Variants in SDK1 observed in about 807,000 individuals in gnomAD.
SDK1 encodes the protein sidekick cell adhesion molecule 1, also known as protein sidekick-1.
SDK1 carries 157 observed loss-of-function variants against 245.5 expected under a neutral mutation model. That is an observed-to-expected ratio of 0.64 (90% CI 0.56 to 0.73). The LOEUF is 0.73. Ranked by LOEUF, SDK1 falls within the 30% of genes least tolerant of loss-of-function variation. SDK1 has a pLI of 0.00. For synonymous variants in SDK1, 1,647 were observed against 1,278.5 expected (o/e 1.29, Z -6.15); for missense variants, 3,583 against 3,002.3 (o/e 1.19, Z -4.52).
intron 4 of SDK1, among the ~76,000 whole-genome samples, chr7:3,745,548 G>A (rs981889959): frequency 6.6e-6 from 1 of 152,112 alleles, no homozygotes; most frequent in Non-Finnish European, 1.5e-5. Flanking sequence ...GTGTGTGTGT[G>A]TGTGTAAATA....
chr7:4,034,596 AG>A (rs11308566), intron 17 of SDK1, among the ~76,000 whole-genome samples: 2,122 of 152,352 alleles, frequency 0.014, 55 homozygotes, highest in African/African-American at 0.049. Flanking sequence ...AAACTGATGC[AG>A]CCCCTGAAGC....
At chr7:3,455,655 C>T (rs1185164662) in intron 1 of SDK1, among the ~76,000 whole-genome samples, 4 of 151,926 alleles carry the variant, frequency 2.6e-5, no homozygotes, top group Non-Finnish European at 4.4e-5. Context: ...CTTCCTCCAC[C>T]GATACCACAC....
chr7:3,367,517 A>G (rs1358124362), intron 1 of SDK1, among the ~76,000 whole-genome samples: 1 of 152,166 alleles, frequency 6.6e-6, no homozygotes, highest in African/African-American at 2.4e-5. Flanking sequence ...CATCTATCCC[A>G]TACTTGTCAT....
chr7:3,479,902 C>T (rs1020303523), intron 1 of SDK1, among the ~76,000 whole-genome samples: 14 of 151,668 alleles, frequency 9.2e-5, no homozygotes, highest in African/African-American at 3.4e-4. Context: ...AATGAGAGAC[C>T]TCTAATTTTC....
At chr7:4,139,191 A>G (rs55998459) in intron 28 of SDK1, among the ~76,000 whole-genome samples, 2 of 151,772 alleles carry the variant, frequency 1.3e-5, no homozygotes, top group Admixed American at 6.5e-5. Flanking sequence ...CCCACCCCCC[A>G]TTTCCTGGAG....
At chr7:3,449,073 T>A (rs975790261) in intron 1 of SDK1, among the ~76,000 whole-genome samples, 2 of 152,190 alleles carry the variant, frequency 1.3e-5, no homozygotes, top group Non-Finnish European at 2.9e-5. Flanking sequence ...TTATGGAATC[T>A]AAGAAGGAAA....
At chr7:3,366,449 T>A (rs1332159814) in intron 1 of SDK1, among the ~76,000 whole-genome samples, 4 of 152,096 alleles carry the variant, frequency 2.6e-5, no homozygotes, top group Non-Finnish European at 2.9e-5. Context: ...AAGTACTGGG[T>A]AATTTTGCCA....
Position 4,084,636 on chromosome 7 carries a change from A to C in SDK1, c.3324+5052A>C, listed in dbSNP as rs1781305750. On this transcript the variant is annotated intron_variant, in intron 22 of 44. Coordinates refer to ENST00000404826, the MANE Select transcript of SDK1 (RefSeq NM_152744.4). ...GAGTTCATACTGACGTTTCCAATGA[A>C]ATTTCAGGTTACTGACCTTAAATGT... Among the ~76,000 whole-genome samples, 3 of 151,822 alleles carry C rather than the reference A, an allele frequency of 2.0e-5. No homozygotes were observed. In the South Asian group the frequency reaches 6.2e-4, roughly 31 times the overall value.
intron 5 of SDK1, among the ~76,000 whole-genome samples, chr7:3,922,915 T>C (rs765634268): frequency 2.6e-5 from 4 of 152,222 alleles, no homozygotes; most frequent in Non-Finnish European, 5.9e-5. Context: ...GGGTCAATCT[T>C]CCATTTTGCT....
chr7:3,391,966 A>AAT (rs55768106), intron 1 of SDK1, among the ~76,000 whole-genome samples: 3,233 of 143,978 alleles, frequency 0.022, 76 homozygotes, highest in South Asian at 0.048. Context: ...TATATCATGT[A>AAT]ATATATATAT....
At position 3,983,233 on chromosome 7, in the gene SDK1, T is replaced by A. The variant is rs1173244437; in HGVS notation, c.1995-3953T>A. On this transcript the variant is annotated intron_variant, in intron 13 of 44. Transcript: ENST00000404826. ...AGGGTTTGGGAGGATTGACTCCAAT[T>A]TTGAAAGAAGTTCTACTGTGGGTAA... Among the ~76,000 whole-genome samples the A allele has an allele frequency of 2.0e-5, 3 of 152,212 alleles. No homozygotes were observed. In the East Asian group the frequency reaches 5.8e-4, roughly 29 times the overall value.
chr7:3,831,305 G>C (rs1055916284), intron 5 of SDK1, among the ~76,000 whole-genome samples: 2 of 152,194 alleles, frequency 1.3e-5, no homozygotes, highest in Non-Finnish European at 2.9e-5. Context: ...CTGGGGTTCA[G>C]CTTTTAGTTA....
chr7:3,745,413 G>A (rs1043091706), intron 4 of SDK1, among the ~76,000 whole-genome samples: 1 of 152,212 alleles, frequency 6.6e-6, no homozygotes, highest in African/African-American at 2.4e-5. Flanking sequence ...ACTTCTGCCA[G>A]TGGTGAAATG....
chr7:3,906,327 G>A (rs980204688), intron 5 of SDK1, among the ~76,000 whole-genome samples: 2 of 152,026 alleles, frequency 1.3e-5, no homozygotes, highest in African/African-American at 2.4e-5. Flanking sequence ...GTAAGTTCAG[G>A]GGTGGAAATT....
intron 10 of SDK1, 109 bp downstream of exon 10, chr7:3,967,543 C>T: frequency 1.4e-6 from 1 of 722,302 alleles, no homozygotes; most frequent in East Asian, 2.6e-5. Context: ...TGCATTCACT[C>T]AATGAAGATT....
At chr7:3,407,270 C>G (rs900008848) in intron 1 of SDK1, among the ~76,000 whole-genome samples, 2 of 152,190 alleles carry the variant, frequency 1.3e-5, no homozygotes, top group Non-Finnish European at 2.9e-5. Context: ...AACACATAAT[C>G]TTTGCTCATA....
At chr7:3,382,421 A>G (rs1781511345) in intron 1 of SDK1, among the ~76,000 whole-genome samples, 1 of 152,190 alleles carries the variant, frequency 6.6e-6, no homozygotes, top group Admixed American at 6.5e-5. Flanking sequence ...ATTGAGCCAT[A>G]TGAAATTGAC....
intron 1 of SDK1, among the ~76,000 whole-genome samples, chr7:3,310,459 A>C (rs1217773453): frequency 6.6e-6 from 1 of 152,172 alleles, no homozygotes; most frequent in Non-Finnish European, 1.5e-5. Context: ...TAGATGCACT[A>C]GAGAGGGATT....
At chr7:3,524,844 G>C (rs901874976) in intron 1 of SDK1, among the ~76,000 whole-genome samples, 1 of 152,104 alleles carries the variant, frequency 6.6e-6, no homozygotes, top group Non-Finnish European at 1.5e-5. Context: ...TCTAACAAAA[G>C]GTTTAAAAAC....
Sources: gnomAD v4.1 joint callset for allele counts (sites outside exome capture counted in the v4.1 genomes callset) on GRCh38, gnomAD v4.1.1 for gene constraint, MANE v1.5 for transcripts, NCBI Gene and HGNC (gene_info 2026-07-23, HGNC 2026-07-21) for gene names.